The following HRH1 variants were observed in gnomAD, a reference collection of about 807,000 sequenced individuals.
HRH1 encodes the protein histamine receptor H1.
A neutral mutation model predicts 10.3 loss-of-function variants in HRH1; 6 were observed. The observed-to-expected ratio is 0.58, with a 90% CI of 0.32 to 1.15. HRH1 has a LOEUF of 1.15. Ranked by LOEUF, HRH1 falls within the 50% of genes most tolerant of loss-of-function variation. The pLI, the probability that HRH1 is intolerant of heterozygous loss-of-function variation, is 0.05. For missense variants in HRH1, 514 were observed against 615.3 expected (o/e 0.84, Z 1.74); for synonymous variants, 242 against 236.7 (o/e 1.02, Z -0.21).
intron 1 of HRH1, among the ~76,000 whole-genome samples, chr3:11,232,752 TC>T (rs1194309796): frequency 6.6e-6 from 1 of 152,226 alleles, no homozygotes; most frequent in Admixed American, 6.5e-5. Context: ...TGTTGAGACT[TC>T]CGATCCATAA....
At chr3:11,171,791 T>C (rs6442234) in intron 1 of HRH1, among the ~76,000 whole-genome samples, 28,763 of 152,208 alleles carry the variant, frequency 0.19, 5,070 homozygotes, top group African/African-American at 0.47. Flanking sequence ...CTTTTATTAC[T>C]TCCCTGTGTT....
intron 1 of HRH1, among the ~76,000 whole-genome samples, chr3:11,224,699 C>CAA (rs60472027): frequency 6.0e-5 from 6 of 100,574 alleles, no homozygotes; most frequent in African/African-American, 1.6e-4. Flanking sequence ...GACTCCATCT[C>CAA]AAAAAAAAAA....
At chr3:11,153,736 G>A (rs1936705959), upstream of HRH1, among the ~76,000 whole-genome samples, 1 of 152,080 alleles carries the variant, frequency 6.6e-6, no homozygotes, top group Non-Finnish European at 1.5e-5. Context: ...AGAGGTTCCC[G>A]GGGACCTGCA....
intron 1 of HRH1, among the ~76,000 whole-genome samples, chr3:11,187,043 A>G (rs566388834): frequency 2.1e-4 from 32 of 152,300 alleles, no homozygotes; most frequent in Non-Finnish European, 3.7e-4. Flanking sequence ...ACTGGAAGGT[A>G]TGACGTTCTT....
At chr3:11,253,624 C>T (rs565662422) in intron 1 of HRH1, among the ~76,000 whole-genome samples, 1 of 152,234 alleles carries the variant, frequency 6.6e-6, no homozygotes, top group East Asian at 1.9e-4. Flanking sequence ...TTCTCAAATT[C>T]CTTTTATTAC....
At chr3:11,240,334 CT>C (rs1484518674) in intron 1 of HRH1, among the ~76,000 whole-genome samples, 1 of 152,064 alleles carries the variant, frequency 6.6e-6, no homozygotes. Flanking sequence ...CATTTAAAAA[CT>C]AAAATATTTC....
intron 1 of HRH1, among the ~76,000 whole-genome samples, chr3:11,223,183 CAAAAAAAAAAAAAAAA>C (rs58149660): frequency 3.7e-5 from 1 of 26,786 alleles, no homozygotes; most frequent in Admixed American, 7.2e-4. Context: ...GACTTCGTCT[CAAAAAAAAAAAAAAAA>C]AAAAAAAAAA....
chr3:11,227,930 A>C lies in HRH1; in HGVS notation c.-35-31073A>C, dbSNP rs568186625. ...GACAGGCCCCAGCCATCCCTAAGGC[A>C]TATCAAAAACGAGGGGAGAATTGGG... On this transcript the variant is annotated intron_variant, in intron 1 of 1. Transcript: ENST00000431010. Among the ~76,000 whole-genome samples the C allele has an allele frequency of 2.6e-5, 4 of 152,352 alleles. No homozygotes were observed. In the South Asian group the frequency reaches 6.2e-4, roughly 24 times the overall value.
upstream of HRH1, among the ~76,000 whole-genome samples, chr3:11,152,576 T>A (rs1012659059): frequency 5.3e-5 from 8 of 151,894 alleles, no homozygotes; most frequent in Non-Finnish European, 1.0e-4. Flanking sequence ...GGGATGAAAG[T>A]GTGGACGCAG....
intron 1 of HRH1, among the ~76,000 whole-genome samples, chr3:11,161,329 C>G (rs778043719): frequency 9.9e-5 from 15 of 152,216 alleles, no homozygotes; most frequent in Non-Finnish European, 2.1e-4. Flanking sequence ...ACTTGGTTTG[C>G]TCTTTCAAGA....
chr3:11,234,648 T>G (rs758573051), intron 1 of HRH1: 2 of 1,350,064 alleles, frequency 1.5e-6, no homozygotes, highest in South Asian at 1.2e-5. Flanking sequence ...TAAATATGAT[T>G]CGATCCTTCC....
chr3:11,251,729 C>T (rs902590167), intron 1 of HRH1, among the ~76,000 whole-genome samples: 2 of 152,204 alleles, frequency 1.3e-5, no homozygotes, highest in African/African-American at 4.8e-5. Context: ...CTTTTTCTAA[C>T]AAGATAGCCT....
chr3:11,144,490 C>CCT, intron 1 of HRH1, among the ~76,000 whole-genome samples: 1 of 6,518 alleles, frequency 1.5e-4, no homozygotes, highest in South Asian at 5.0e-3. Context: ...TATACACACA[C>CCT]ACACACGCCA....
intron 1 of HRH1, among the ~76,000 whole-genome samples, chr3:11,182,341 C>T (rs1937374122): frequency 6.6e-6 from 1 of 152,184 alleles, no homozygotes; most frequent in Non-Finnish European, 1.5e-5. Context: ...GGTCTCAGTT[C>T]CCTCATCTGT....
chr3:11,235,180 A>G (rs555016408), intron 1 of HRH1, among the ~76,000 whole-genome samples: 47 of 151,088 alleles, frequency 3.1e-4, no homozygotes, highest in African/African-American at 1.0e-3. Flanking sequence ...ACACCACTGC[A>G]CTCCAGCCTG....
At chr3:11,241,766 G>A (rs1004184370) in intron 1 of HRH1, among the ~76,000 whole-genome samples, 1 of 151,844 alleles carries the variant, frequency 6.6e-6, no homozygotes, top group Admixed American at 6.6e-5. Context: ...AACCTGGGAG[G>A]TGGAGCTTGC....
chr3:11,256,079 G>C (rs75931362), intron 1 of HRH1, among the ~76,000 whole-genome samples: 126 of 152,286 alleles, frequency 8.3e-4, no homozygotes, highest in African/African-American at 2.8e-3. Context: ...CCTCATAGGA[G>C]GTGATGGCTG....
chr3:11,259,469 C>T lies in HRH1; in HGVS notation c.432C>T (p.Ala144=), dbSNP rs199959389. 9.3e-6 allele frequency: 15 copies of T among 1,614,018 alleles called. No individual in the cohort carries two copies. In the South Asian group the frequency reaches 1.6e-4, roughly 18 times the overall value. ...TTAAGTATCGTACCAAGACCCGAGC[C>T]TCGGCCACCATTCTGGGGGCCTGGT... The part of the protein sequence containing the change: ...RYLKYRTKTR[A]SATILGAWFL... Residue 144 remains alanine (A), a synonymous_variant, in exon 2 of 2, where the codon GCC becomes GCT. Transcript: ENST00000431010. The surrounding 1 kb of genome is among the most constrained non-coding windows in gnomAD (Gnocchi z 4.6).
At position 11,218,447 on chromosome 3, in the gene HRH1, C is replaced by CAA. The variant is rs1026039560; in HGVS notation, c.-35-40537_-35-40536dup. 3.5e-4 allele frequency among the ~76,000 whole-genome samples: 19 copies of CAA among 53,928 alleles called. No individual in the cohort carries two copies. In the East Asian group the frequency reaches 5.2e-3, roughly 15 times the overall value. The allele number at this position is 53,928 out of a possible 152,430, so 35.4% of individuals were successfully genotyped here. On this transcript the variant is annotated intron_variant, in intron 1 of 1. Transcript: ENST00000431010. ...TAGGCAACAGAGTGAGACTCCATCT[C>CAA]AAAAAAAAAAAAAAAAAAAATTAAA... is the stretch of plus-strand genomic sequence containing the variant.
Sources: allele counts gnomAD v4.1 joint callset (sites outside exome capture counted in the v4.1 genomes callset), GRCh38; gene constraint gnomAD v4.1.1; non-coding constraint Gnocchi (gnomAD v3.1); transcripts MANE v1.5; gene names NCBI Gene and HGNC (gene_info 2026-07-23, HGNC 2026-07-21).